Variants in CLDN16 observed in about 807,000 individuals in gnomAD.
CLDN16 encodes the protein claudin 16, also known as claudin-16.
A neutral mutation model predicts 24.6 loss-of-function variants in CLDN16; 13 were observed. The ratio of observed to expected loss-of-function variants is 0.53; its 90% CI spans 0.34 to 0.84. The LOEUF (loss-of-function observed/expected upper bound fraction) is 0.84. Ranked by LOEUF, CLDN16 falls within the 40% of genes least tolerant of loss-of-function variation. The pLI is 0.01. For synonymous variants in CLDN16, 116 were observed against 106.7 expected (o/e 1.09, Z -0.54); for missense variants, 298 against 292.7 (o/e 1.02, Z -0.13).
chr3:190,337,938 A>G (rs541542286), intron 1 of CLDN16, among the ~76,000 whole-genome samples: 2 of 152,270 alleles, frequency 1.3e-5, no homozygotes, highest in East Asian at 3.9e-4. Flanking sequence ...GACCCTATAG[A>G]GCATAGGAAA....
At chr3:190,374,313 G>GTGTGTGTGTGTGTGTGT (rs761347927) in intron 2 of CLDN16, among the ~76,000 whole-genome samples, 12 of 141,188 alleles carry the variant, frequency 8.5e-5, no homozygotes, top group African/African-American at 2.9e-4. Flanking sequence ...GTGTGTGTGT[G>GTGTGTGTGTGTGTGTGT]GTTTTCCCTG....
In CLDN16 at chr3:190,409,903, A is replaced by T; in HGVS notation, c.575A>T (p.Asp192Val). ...VLTCCLYLFK[D>V]VGPERNYPYS... ...TTATTTTTATATTTCTTTCAAACAG[A>T]TGTTGGACCTGAGAGAAACTATCCT... The change falls in exon 5 of 5, where the codon GAT (aspartate) becomes GTT (valine). Residue 192 changes from aspartate to valine, a missense_variant and splice_region_variant. Asp to Val is a radical substitution (Grantham distance 152). Coordinates refer to ENST00000264734, the MANE Select transcript of CLDN16 (RefSeq NM_006580.4). The T allele has an allele frequency of 1.2e-6, 2 of 1,613,920 alleles. No homozygotes were observed. Among genetic ancestry groups the T allele is most frequent in the Non-Finnish European group, 1.7e-6 (2 of 1,179,800 alleles).
intron 3 of CLDN16, among the ~76,000 whole-genome samples, chr3:190,375,079 T>C (rs896062256): frequency 6.6e-6 from 1 of 152,022 alleles, no homozygotes; most frequent in Admixed American, 6.6e-5. Context: ...TATCTTTTTA[T>C]TTGTCTATCT....
At chr3:190,392,777 A>G (rs536500195) in intron 1 of CLDN16, among the ~76,000 whole-genome samples, 1 of 152,308 alleles carries the variant, frequency 6.6e-6, no homozygotes, top group African/African-American at 2.4e-5. Context: ...TGTATATTTC[A>G]TCATAGTAAG....
chr3:190,391,811 T>C (rs191087341), intron 1 of CLDN16, among the ~76,000 whole-genome samples: 88 of 152,300 alleles, frequency 5.8e-4, no homozygotes, highest in African/African-American at 2.0e-3. Context: ...AGAATTACGA[T>C]GTGCACAACC....
chr3:190,402,276 C>A, intron 1 of CLDN16, 61 bp from the exon 2 acceptor site: 2 of 1,283,928 alleles, frequency 1.6e-6, no homozygotes, highest in South Asian at 2.4e-5. Context: ...TCTTTTTGAT[C>A]AAGGGGAACT....
At chr3:190,328,952 C>T (rs1474439408) in intron 1 of CLDN16, among the ~76,000 whole-genome samples, 1 of 152,070 alleles carries the variant, frequency 6.6e-6, no homozygotes, top group Admixed American at 6.6e-5. Flanking sequence ...ATTTATGTTA[C>T]TTCTCTGGGC....
intron 1 of CLDN16, among the ~76,000 whole-genome samples, chr3:190,363,036 T>G (rs1162746848): frequency 6.6e-6 from 1 of 152,016 alleles, no homozygotes; most frequent in Non-Finnish European, 1.5e-5. Context: ...CGACTATTTT[T>G]AAAATGTATT....
intron 2 of CLDN16, 119 bp downstream of exon 2, chr3:190,402,558 T>C (rs1204040213): frequency 9.1e-6 from 7 of 770,248 alleles, no homozygotes; most frequent in Admixed American, 1.9e-5. Flanking sequence ...GTCCAGTTTG[T>C]AATGGTTAGA....
chr3:190,337,763 G>C (rs74395351), intron 1 of CLDN16, among the ~76,000 whole-genome samples: 1 of 152,076 alleles, frequency 6.6e-6, no homozygotes, highest in African/African-American at 2.4e-5. Context: ...TAGTATTTCT[G>C]TCAGCATTAT....
chr3:190,318,282 G>T (rs1003086182), upstream of CLDN16, among the ~76,000 whole-genome samples: 7 of 152,116 alleles, frequency 4.6e-5, no homozygotes, highest in African/African-American at 1.7e-4. Flanking sequence ...AATTTTCTCA[G>T]AATTAAGTTG....
At chr3:190,335,192 C>T (rs111353340) in intron 1 of CLDN16, among the ~76,000 whole-genome samples, 6,734 of 151,508 alleles carry the variant, frequency 0.044, 326 homozygotes, top group African/African-American at 0.12. Flanking sequence ...TACAGGCACC[C>T]GCCACCATGC....
chr3:190,365,146 C>G (rs1717993333), intron 1 of CLDN16, among the ~76,000 whole-genome samples: 2 of 151,812 alleles, frequency 1.3e-5, no homozygotes, highest in East Asian at 3.9e-4. Flanking sequence ...CTTCACAGGT[C>G]TCATGTTTCC....
At chr3:190,332,218 A>G (rs1476806182) in intron 1 of CLDN16, among the ~76,000 whole-genome samples, 1 of 152,236 alleles carries the variant, frequency 6.6e-6, no homozygotes, top group Non-Finnish European at 1.5e-5. Context: ...TAAATATTTT[A>G]TGAAGTACAT....
At chr3:190,400,236 T>G (rs1718929111) in intron 1 of CLDN16, among the ~76,000 whole-genome samples, 1 of 151,046 alleles carries the variant, frequency 6.6e-6, no homozygotes, top group African/African-American at 2.4e-5. Flanking sequence ...TACCTCGAGG[T>G]TTTTTTTTCT....
chr3:190,386,305 G>A (rs540405755), upstream of CLDN16, among the ~76,000 whole-genome samples: 15 of 152,218 alleles, frequency 9.9e-5, no homozygotes, highest in African/African-American at 3.1e-4. Context: ...AACAAAATAA[G>A]TAAAATAAAA....
intron 3 of CLDN16, among the ~76,000 whole-genome samples, chr3:190,380,234 T>TTGCTTCCTTTTCTTCCTTCCCTCCC (rs61396642): frequency 0.016 from 89 of 5,514 alleles, 2 homozygotes; most frequent in East Asian, 0.13. Context: ...CTTTTCTTCC[T>TTGCTTCCTTTTCTTCCTTCCCTCCC]TCCCTCCCTT....
At chr3:190,380,992 A>C (rs1718359338) in intron 3 of CLDN16, among the ~76,000 whole-genome samples, 1 of 152,086 alleles carries the variant, frequency 6.6e-6, no homozygotes, top group Non-Finnish European at 1.5e-5. Context: ...TGTGAGTACA[A>C]GTTGCACCCT....
At chr3:190,404,980 G>A in intron 3 of CLDN16, 54 bp downstream of exon 3, 1 of 1,550,816 alleles carries the variant, frequency 6.4e-7, no homozygotes, top group South Asian at 1.1e-5. Context: ...CTAAGGGCTT[G>A]AGGTGAAGGA....
Sources: gnomAD v4.1 joint callset for allele counts (sites outside exome capture counted in the v4.1 genomes callset) on GRCh38, gnomAD v4.1.1 for gene constraint, MANE v1.5 for transcripts, NCBI Gene and HGNC (gene_info 2026-07-23, HGNC 2026-07-21) for gene names.